SLC34A2: variants seen among roughly 807,000 people sequenced by gnomAD.
The protein encoded by SLC34A2 is sodium-dependent phosphate transport protein 2B.
A neutral mutation model predicts 50.8 loss-of-function variants in SLC34A2; 41 were observed. The observed-to-expected ratio is 0.81, with a 90% CI of 0.63 to 1.05. SLC34A2 has a LOEUF of 1.05. Ranked by LOEUF, SLC34A2 falls within the 50% of genes least tolerant of loss-of-function variation. The pLI, the probability that SLC34A2 is intolerant of heterozygous loss-of-function variation, is 0.00. For missense variants in SLC34A2, 879 were observed against 876.7 expected (o/e 1.00, Z -0.03); for synonymous variants, 401 against 364.2 (o/e 1.10, Z -1.15).
chr4:25,669,800 T>G lies in SLC34A2; in HGVS notation c.789T>G (p.Leu263=), dbSNP rs201437446. ...HFKNGEDAPD[L]LKVITKPFTK... Reference sequence around the variant, plus strand: ...AGAATGGAGAAGATGCCCCAGATCTTCTGAAAGTCATCACTAAGCCCTTCA... The same window carrying G: ...AGAATGGAGAAGATGCCCCAGATCTGCTGAAAGTCATCACTAAGCCCTTCA... The change falls in exon 7 of 13, where the codon CTT becomes CTG. Residue 263 remains leucine (L), a synonymous_variant. Transcript: ENST00000382051. 5.0e-5 allele frequency: 81 copies of G among 1,614,100 alleles called. 1 individual carries two copies. The Admixed American group carries it at 7.0e-4, about 14-fold the overall frequency.
intron 5 of SLC34A2, among the ~76,000 whole-genome samples, chr4:25,667,637 G>A (rs953851177): frequency 6.6e-6 from 1 of 152,234 alleles, no homozygotes; most frequent in Non-Finnish European, 1.5e-5. Flanking sequence ...TCCTTAATCA[G>A]TGGGTGCCTC....
At position 25,662,529 on chromosome 4, in the gene SLC34A2, C is replaced by T. The variant is rs541244250; in HGVS notation, c.29C>T (p.Ala10Val). 6 of 1,613,976 alleles carry T rather than the reference C, an allele frequency of 3.7e-6. No homozygotes were observed. Among genetic ancestry groups the T allele is most frequent in the South Asian group, 3.3e-5 (3 of 91,066 alleles). The change falls in exon 2 of 13, where the codon GCC (alanine) becomes GTC (valine). Residue 10 changes from alanine (A) to valine (V), a missense_variant. By Grantham distance (64) the Ala-to-Val change is moderately conservative. Transcript: ENST00000382051. ...GCTCCCTGGCCTGAATTGGGAGATG[C>T]CCAGCCCAACCCCGATAAGTACCTC... MAPWPELGD[A>V]QPNPDKYLEG...
chr4:25,674,127 G>A (rs923416283), intron 10 of SLC34A2, among the ~76,000 whole-genome samples, 169 bp from the exon 11 acceptor site: 2 of 152,080 alleles, frequency 1.3e-5, no homozygotes, highest in Non-Finnish European at 2.9e-5. Context: ...CTGAATATGC[G>A]GAGCAAAAGA....
intron 7 of SLC34A2, 84 bp from the exon 8 acceptor site, chr4:25,670,654 C>A (rs563186771): frequency 2.0e-6 from 2 of 987,024 alleles, no homozygotes; most frequent in Non-Finnish European, 3.2e-6. Context: ...CTCCTTAGAG[C>A]CCCTCTCACT....
rs1306886165 is a variant in SLC34A2 at position 25,657,774 on chromosome 4, G to A, written c.-4+1884G>A. Among the ~76,000 whole-genome samples the A allele has an allele frequency of 3.3e-5, 5 of 152,168 alleles. No homozygotes were observed. The South Asian group carries it at 6.2e-4, about 19-fold the overall frequency. On this transcript the variant is annotated intron_variant, in intron 1 of 12. Coordinates refer to ENST00000382051, the MANE Select transcript of SLC34A2 (RefSeq NM_006424.3). ...TGAAGAGATTATTATTAGCAGTAAT[G>A]TAGGGACAGGGTCTCACTATGTTGT... is the stretch of plus-strand genomic sequence containing the variant.
intron 9 of SLC34A2, 82 bp downstream of exon 9, chr4:25,671,803 T>G: frequency 6.3e-7 from 1 of 1,599,820 alleles, no homozygotes; most frequent in Non-Finnish European, 8.6e-7. Flanking sequence ...TCCCAGTAAG[T>G]GAAGGAAAGG....
At chr4:25,656,518 TC>T (rs1251114229) in intron 1 of SLC34A2, 1 of 152,294 alleles carries the variant, frequency 6.6e-6, no homozygotes, top group African/African-American at 2.4e-5. Flanking sequence ...CCTTCAGCCG[TC>T]TTGGGGAGCA....
At chr4:25,660,357 C>A (rs2109046463) in intron 1 of SLC34A2, among the ~76,000 whole-genome samples, 1 of 152,302 alleles carries the variant, frequency 6.6e-6, no homozygotes, top group African/African-American at 2.4e-5. Flanking sequence ...TCCTAGCTTC[C>A]TGATTCCTAG....
intron 4 of SLC34A2, 71 bp from the exon 5 acceptor site, chr4:25,666,057 T>A (rs1197639601): frequency 6.3e-7 from 1 of 1,591,556 alleles, no homozygotes; most frequent in African/African-American, 1.3e-5. Flanking sequence ...AGACTTCTGT[T>A]TACTCAGTGC....
At chr4:25,671,778 T>A in intron 9 of SLC34A2, 57 bp downstream of exon 9, 1 of 1,612,926 alleles carries the variant, frequency 6.2e-7, no homozygotes, top group South Asian at 1.1e-5. Flanking sequence ...GGGTGACCTA[T>A]TTATCCGTGT....
At chr4:25,656,844 G>A (rs1713908061) in intron 1 of SLC34A2, among the ~76,000 whole-genome samples, 1 of 152,158 alleles carries the variant, frequency 6.6e-6, no homozygotes, top group Admixed American at 6.5e-5. Flanking sequence ...GCCCCAGGGG[G>A]TTTCTGTGTT....
Position 25,674,589 on chromosome 4 carries a change from C to T in SLC34A2, c.1418C>T (p.Ala473Val), listed in dbSNP as rs1258211926. ...ACCACCACCACCGCCATCCTGGCCG[C>T]CTTAGCCAGCCCTGGCAATGCATTG... ...IGTTTTAILA[A>V]LASPGNALRS... Residue 473 changes from alanine to valine, a missense_variant, in exon 12 of 13, where the codon GCC becomes GTC. Ala to Val is a moderately conservative substitution (Grantham distance 64). Coordinates refer to ENST00000382051, the MANE Select transcript of SLC34A2 (RefSeq NM_006424.3). 1 of 1,614,226 alleles carries T rather than the reference C, an allele frequency of 6.2e-7. No individual in the cohort carries two copies.
At chr4:25,661,131 C>A (rs1714161371) in intron 1 of SLC34A2, among the ~76,000 whole-genome samples, 1 of 152,190 alleles carries the variant, frequency 6.6e-6, no homozygotes, top group African/African-American at 2.4e-5. Context: ...ATAATTGCTG[C>A]TATTTATTGG....
intron 4 of SLC34A2, among the ~76,000 whole-genome samples, chr4:25,665,609 T>A (rs1051584515): frequency 6.6e-6 from 1 of 152,132 alleles, no homozygotes; most frequent in African/African-American, 2.4e-5. Context: ...ATTGATGGTC[T>A]CAGGTACACT....
chr4:25,677,707 C>T lies in SLC34A2; in HGVS notation c.*958C>T, dbSNP rs1486950265. ...CAGGCTCGTAGCCTGCATGCTGCCA[C>T]CTTGAATCCCAGGGAGTATCTGCAC... On this transcript the variant is annotated 3_prime_UTR_variant, in exon 13 of 13. Coordinates refer to ENST00000382051, the MANE Select transcript of SLC34A2 (RefSeq NM_006424.3). The T allele has an allele frequency of 2.0e-5, 3 of 152,186 alleles. No homozygotes were observed. The highest frequency in any genetic ancestry group is 4.4e-5 in the Non-Finnish European group (3 of 68,042). 9.4% of individuals were successfully genotyped at this position (152,186 alleles called of 1,614,324 possible).
In SLC34A2 at chr4:25,676,752, GA is replaced by G; in HGVS notation, c.*4del. On this transcript the variant is annotated 3_prime_UTR_variant, in exon 13 of 13. Coordinates refer to ENST00000382051, the MANE Select transcript of SLC34A2 (RefSeq NM_006424.3). Reference sequence around the variant, plus strand: ...AGACCGAATGCACGGCCTTGTAGGGGACGCCCCAGATTGTCAGGGATGGGGG... The same window carrying G: ...AGACCGAATGCACGGCCTTGTAGGGGCGCCCCAGATTGTCAGGGATGGGGG... 6.2e-7 allele frequency: 1 copy of G among 1,614,130 alleles called. No individual in the cohort carries two copies. The highest frequency in any genetic ancestry group is 1.3e-5 in the African/African-American group (1 of 75,054).
In SLC34A2 at chr4:25,673,147, T is replaced by C. The variant is rs1423857252; in HGVS notation, c.1109T>C (p.Ile370Thr). 1.2e-6 allele frequency: 2 copies of C among 1,614,042 alleles called. No homozygotes were observed. The highest frequency in any genetic ancestry group is 2.7e-5 in the African/African-American group (2 of 74,910). The change falls in exon 10 of 13, where the codon ATA becomes ACA. Residue 370 changes from isoleucine (I) to threonine (T), a missense_variant. Transcript: ENST00000382051. ...PDLAVGTILL[I>T]LSLLVLCGCL... Reference sequence around the variant, plus strand: ...CTTGCTGTGGGCACCATCTTGCTCATACTCTCCCTGCTGGTCCTCTGTGGT... The same window carrying C: ...CTTGCTGTGGGCACCATCTTGCTCACACTCTCCCTGCTGGTCCTCTGTGGT...
Position 25,676,373 on chromosome 4 carries a change from T to G in SLC34A2, c.1697T>G (p.Ile566Ser). Residue 566 changes from isoleucine (I) to serine (S), a missense_variant, in exon 13 of 13, where the codon ATC (isoleucine) becomes AGC (serine). Transcript: ENST00000382051. The part of the protein sequence containing the change: ...VGVGVPVVFI[I>S]ILVLCLRLLQ... ...GTCGGGGTTCCCGTCGTCTTCATCATCATCCTGGTACTGTGCCTCCGACTC... is the reference window on the plus strand; with the variant it reads ...GTCGGGGTTCCCGTCGTCTTCATCAGCATCCTGGTACTGTGCCTCCGACTC... 6.2e-7 allele frequency: 1 copy of G among 1,614,196 alleles called. No individual in the cohort carries two copies. The highest frequency in any genetic ancestry group is 8.5e-7 in the Non-Finnish European group (1 of 1,180,032).
rs201431617 is a variant in SLC34A2, at chr4:25,669,674, C to T, written c.663C>T (p.Asp221=). ...RRAFAGATVH[D]FFNWLSVLVL... is the part of the protein sequence containing the mutation. ...CTTTTGCAGGAGCCACTGTCCATGACTTCTTCAACTGGCTGTCCGTGTTGG... is the reference window on the plus strand; with the variant it reads ...CTTTTGCAGGAGCCACTGTCCATGATTTCTTCAACTGGCTGTCCGTGTTGG... The change falls in exon 7 of 13, where the codon GAC becomes GAT. Residue 221 remains aspartate (D), a synonymous_variant. Coordinates refer to ENST00000382051, the MANE Select transcript of SLC34A2 (RefSeq NM_006424.3). The T allele has an allele frequency of 4.3e-6, 7 of 1,614,158 alleles. No individual in the cohort carries two copies. In the East Asian group the frequency reaches 1.3e-4, roughly 31 times the overall value.
Sources: allele counts gnomAD v4.1 joint callset (sites outside exome capture counted in the v4.1 genomes callset), GRCh38; gene constraint gnomAD v4.1.1; transcripts MANE v1.5; gene names NCBI Gene and HGNC (gene_info 2026-07-23, HGNC 2026-07-21).